TSNARE1: variants seen among roughly 807,000 people sequenced by gnomAD.
The protein encoded by TSNARE1 is t-SNARE domain-containing protein 1.
TSNARE1 carries 49 observed loss-of-function variants against 62.0 expected under a neutral mutation model. The observed-to-expected ratio is 0.79, with a 90% confidence interval of 0.63 to 1.00. The LOEUF is 1.00. Ranked by LOEUF, TSNARE1 falls within the 50% of genes least tolerant of loss-of-function variation. The pLI, the probability that TSNARE1 is intolerant of heterozygous loss-of-function variation, is 0.00. For synonymous variants in TSNARE1, 328 were observed against 294.4 expected (o/e 1.11, Z -1.17); for missense variants, 755 against 700.1 (o/e 1.08, Z -0.88).
intron 10 of TSNARE1, among the ~76,000 whole-genome samples, chr8:142,299,855 G>A (rs59837937): frequency 0.062 from 9,507 of 152,298 alleles, 998 homozygotes; most frequent in African/African-American, 0.21. Flanking sequence ...ATTAACCATA[G>A]GCTAGAGACA....
At chr8:142,356,943 C>T (rs999673989) in intron 1 of TSNARE1, among the ~76,000 whole-genome samples, 2 of 151,976 alleles carry the variant, frequency 1.3e-5, no homozygotes, top group Non-Finnish European at 2.9e-5. Flanking sequence ...AGGGGGGACG[C>T]CAAGAAAGGG....
intron 10 of TSNARE1, among the ~76,000 whole-genome samples, chr8:142,288,395 G>A (rs1394786707): frequency 6.6e-6 from 1 of 152,262 alleles, no homozygotes; most frequent in Non-Finnish European, 1.5e-5. Flanking sequence ...GAGACCCTGT[G>A]GTGCCCCCAG....
chr8:142,315,171 G>C, intron 7 of TSNARE1, 79 bp from the exon 8 acceptor site: 1 of 1,417,928 alleles, frequency 7.1e-7, no homozygotes. Flanking sequence ...ACCTCCTCCC[G>C]TACCGATGTC....
At chr8:142,276,628 C>G in intron 11 of TSNARE1, 2 of 985,418 alleles carry the variant, frequency 2.0e-6, no homozygotes, top group Non-Finnish European at 2.4e-6. Flanking sequence ...TTCTCTGCCC[C>G]GTGACCACAC....
intron 2 of TSNARE1, among the ~76,000 whole-genome samples, chr8:142,350,460 A>C (rs961060941): frequency 2.0e-5 from 3 of 152,250 alleles, no homozygotes; most frequent in Non-Finnish European, 4.4e-5. Context: ...ACTGGTAGTC[A>C]GAAAATCTTT....
At chr8:142,389,233 T>C (rs1038277046) in intron 1 of TSNARE1, among the ~76,000 whole-genome samples, 2 of 152,158 alleles carry the variant, frequency 1.3e-5, no homozygotes, top group Non-Finnish European at 2.9e-5. Context: ...TCTCACACCA[T>C]ATACAAGAAT....
chr8:142,256,569 T>C (rs138219390), intron 12 of TSNARE1, among the ~76,000 whole-genome samples: 62,241 of 108,782 alleles, frequency 0.57, 15,472 homozygotes, highest in African/African-American at 0.72. Flanking sequence ...ACCATCACCA[T>C]CACCATCATC....
chr8:142,300,238 G>C, intron 10 of TSNARE1: 1 of 437,016 alleles, frequency 2.3e-6, no homozygotes, highest in Non-Finnish European at 4.1e-6. Context: ...CTGGCCAGAG[G>C]GCTGTGCCCT....
chr8:142,287,607 G>A (rs1822977840), intron 10 of TSNARE1, among the ~76,000 whole-genome samples: 3 of 130,710 alleles, frequency 2.3e-5, no homozygotes, highest in Non-Finnish European at 4.9e-5. Context: ...CCGCCCTCCA[G>A]GTCGTGGAAC....
chr8:142,227,237 A>C (rs546956867), intron 13 of TSNARE1, among the ~76,000 whole-genome samples: 2 of 138,192 alleles, frequency 1.4e-5, no homozygotes, highest in African/African-American at 5.6e-5. Flanking sequence ...CAGGCCCTAC[A>C]TCCTGCCCAC....
chr8:142,251,225 C>T (rs1412782607), intron 12 of TSNARE1, among the ~76,000 whole-genome samples: 2 of 151,958 alleles, frequency 1.3e-5, no homozygotes, highest in African/African-American at 4.8e-5. Flanking sequence ...AGTCTCCAGA[C>T]CCCGGCCCCC....
intron 1 of TSNARE1, among the ~76,000 whole-genome samples, chr8:142,394,972 G>A (rs1328132460): frequency 5.9e-5 from 9 of 152,130 alleles, no homozygotes; most frequent in African/African-American, 1.2e-4. Context: ...TCTCCCTTCC[G>A]TAAGATAGGG....
rs528608894 is a variant in TSNARE1 at position 142,391,509 on chromosome 8, C to T, written c.-40+11595G>A. ...CAAGAAGGAAGGAAGAGCTGCAGCTCTTCAGCTCTTCAGCAAGCCCAGACC... is the reference window on the plus strand; with the variant it reads ...CAAGAAGGAAGGAAGAGCTGCAGCTTTTCAGCTCTTCAGCAAGCCCAGACC... On this transcript the variant is annotated intron_variant, in intron 1 of 13. Transcript: ENST00000524325. Among the ~76,000 whole-genome samples, 7 of 152,312 alleles carry T rather than the reference C, an allele frequency of 4.6e-5. No homozygotes were observed. In the East Asian group the frequency reaches 1.3e-3, roughly 29 times the overall value.
At chr8:142,388,300 T>C in intron 1 of TSNARE1, among the ~76,000 whole-genome samples, 1 of 152,114 alleles carries the variant, frequency 6.6e-6, no homozygotes, top group South Asian at 2.1e-4. Flanking sequence ...AAAGCCATAC[T>C]CTGCTTTATG....
At chr8:142,258,477 CTTTTT>C (rs56675860) in intron 12 of TSNARE1, among the ~76,000 whole-genome samples, 7 of 107,256 alleles carry the variant, frequency 6.5e-5, no homozygotes, top group Non-Finnish European at 1.1e-4. Context: ...AGAACTTGTG[CTTTTT>C]TTTTTTTTTT....
intron 6 of TSNARE1, among the ~76,000 whole-genome samples, chr8:142,328,708 G>C (rs1356557110): frequency 6.6e-6 from 1 of 152,022 alleles, no homozygotes; most frequent in Non-Finnish European, 1.5e-5. Context: ...GGGTGGAAGG[G>C]AATAGAGCCC....
intron 1 of TSNARE1, among the ~76,000 whole-genome samples, chr8:142,391,320 CTG>C (rs1321788523): frequency 6.7e-6 from 1 of 149,178 alleles, no homozygotes; most frequent in Non-Finnish European, 1.5e-5. Context: ...GCTGGAGACT[CTG>C]TAACAGACGC....
chr8:142,269,128 G>A (rs1373517114), intron 12 of TSNARE1, among the ~76,000 whole-genome samples: 1 of 152,210 alleles, frequency 6.6e-6, no homozygotes, highest in African/African-American at 2.4e-5. Flanking sequence ...CAGCCCAGAG[G>A]ATACTCCCAG....
intron 9 of TSNARE1, 51 bp from the exon 10 acceptor site, chr8:142,300,695 AC>A: frequency 7.7e-6 from 12 of 1,566,892 alleles, no homozygotes; most frequent in Non-Finnish European, 1.0e-5. Context: ...CATTACCACC[AC>A]AACCCAGGCC....
Sources: allele counts gnomAD v4.1 joint callset (sites outside exome capture counted in the v4.1 genomes callset), GRCh38; gene constraint gnomAD v4.1.1; transcripts MANE v1.5; gene names NCBI Gene and HGNC (gene_info 2026-07-23, HGNC 2026-07-21).